Variants in ADGRB1 observed in about 807,000 individuals in gnomAD.
ADGRB1 encodes adhesion G protein-coupled receptor B1, also known as brain-specific angiogenesis inhibitor 1.
Under a neutral mutation model 175.7 loss-of-function variants are expected in ADGRB1, and 36 were observed. The ratio of observed to expected loss-of-function variants is 0.20; its 90% confidence interval spans 0.16 to 0.27. The LOEUF is 0.27. ADGRB1 is among the 10% of genes least tolerant of loss of function. ADGRB1 has a pLI of 1.00. For missense variants in ADGRB1, 1,731 were observed against 2,255.3 expected (o/e 0.77, Z 4.71); for synonymous variants, 1,054 against 979.4 (o/e 1.08, Z -1.42).
chr8:142,457,633 C>T (rs1188237148), intron 1 of ADGRB1, among the ~76,000 whole-genome samples: 1 of 152,136 alleles, frequency 6.6e-6, no homozygotes, highest in Non-Finnish European at 1.5e-5. Flanking sequence ...GACCTGGGCT[C>T]TCTACGGGCA....
chr8:142,501,302 C>T (rs1381752925), intron 17 of ADGRB1, among the ~76,000 whole-genome samples: 1 of 130,462 alleles, frequency 7.7e-6, no homozygotes, highest in East Asian at 2.4e-4. Flanking sequence ...GGTAGTGATG[C>T]AGTCATCACT....
Position 142,492,850 on chromosome 8 carries a change from C to A in ADGRB1, c.2675+2035C>A, listed in dbSNP as rs4077116. 1.2e-4 allele frequency among the ~76,000 whole-genome samples: 19 copies of A among 152,142 alleles called. No homozygotes were observed. Among genetic ancestry groups the A allele is most frequent in the Admixed American group, 5.9e-4 (9 of 15,302 alleles). Reference sequence around the variant, plus strand: ...GGCAGTGCGGGGGCTGCAGGTGGGTCTCTCACCCCCACAGCCCCAGCACTT... The same window carrying A: ...GGCAGTGCGGGGGCTGCAGGTGGGTATCTCACCCCCACAGCCCCAGCACTT... On this transcript the variant is annotated intron_variant, in intron 17 of 30. Transcript: ENST00000517894. The surrounding 1 kb of genome is among the most constrained non-coding windows in gnomAD (Gnocchi z 4.4).
intron 16 of ADGRB1, among the ~76,000 whole-genome samples, chr8:142,490,567 G>A (rs1272426089): frequency 2.0e-5 from 3 of 152,242 alleles, no homozygotes; most frequent in Non-Finnish European, 4.4e-5. Flanking sequence ...CATGGGTGGT[G>A]GGGGCTTGTG....
intron 6 of ADGRB1, 73 bp downstream of exon 6, chr8:142,477,622 G>C: frequency 6.6e-7 from 1 of 1,514,862 alleles, no homozygotes; most frequent in Non-Finnish European, 8.9e-7. Flanking sequence ...CACCGGCCAG[G>C]CCCAGGAGCC....
intron 17 of ADGRB1, among the ~76,000 whole-genome samples, chr8:142,497,380 A>G (rs866378895): frequency 7.9e-5 from 12 of 152,152 alleles, no homozygotes; most frequent in Middle Eastern, 3.4e-3. Flanking sequence ...GGGGCAGGCC[A>G]AGGGGGGGGA....
In ADGRB1 at chr8:142,478,180, C is replaced by T. The variant is rs1396980323; in HGVS notation, c.1388-7C>T. 7.5e-6 allele frequency: 12 copies of T among 1,598,370 alleles called. No individual in the cohort carries two copies. The highest frequency in any genetic ancestry group is 4.0e-5 in the African/African-American group (3 of 74,560). On this transcript the variant is annotated splice_polypyrimidine_tract_variant and splice_region_variant and intron_variant, in intron 6 of 30. Transcript: ENST00000517894. ...CACGCCCACTTTGTGTCTCCTTCCTCCCCCGGGCCGGGCAGTGGATGGAAA... is the reference window on the plus strand; with the variant it reads ...CACGCCCACTTTGTGTCTCCTTCCTTCCCCGGGCCGGGCAGTGGATGGAAA...
chr8:142,479,687 T>C lies in ADGRB1; in HGVS notation c.1727-6T>C. ...TCCTGAACCCCTGTCCCGGGCCCCT[T>C]GGCAGAGCCCCATGAGATCTGTGAT... On this transcript the variant is annotated splice_region_variant and splice_polypyrimidine_tract_variant and intron_variant, in intron 8 of 30. Coordinates refer to ENST00000517894, the MANE Select transcript of ADGRB1 (RefSeq NM_001702.3). The C allele has an allele frequency of 6.2e-7, 1 of 1,612,238 alleles. No homozygotes were observed. Among genetic ancestry groups the C allele is most frequent in the Non-Finnish European group, 8.5e-7 (1 of 1,178,978 alleles).
chr8:142,469,702 T>G (rs983477458), intron 2 of ADGRB1, among the ~76,000 whole-genome samples: 1 of 150,914 alleles, frequency 6.6e-6, no homozygotes, highest in Non-Finnish European at 1.5e-5. Context: ...TGTGCGTGCC[T>G]GTGTGTGAAT....
chr8:142,465,135 T>G (rs1280213814), intron 2 of ADGRB1, among the ~76,000 whole-genome samples, 153 bp downstream of exon 2: 2 of 152,112 alleles, frequency 1.3e-5, no homozygotes, highest in East Asian at 1.9e-4. Flanking sequence ...GACCGGGGTC[T>G]TCTTCCGCAG....
chr8:142,456,433 A>G (rs1316298433), intron 1 of ADGRB1, among the ~76,000 whole-genome samples: 1 of 151,984 alleles, frequency 6.6e-6, no homozygotes, highest in Non-Finnish European at 1.5e-5. Context: ...ACGTGCACAC[A>G]CTTCCTCACC....
At chr8:142,454,526 C>T (rs926622285) in intron 1 of ADGRB1, among the ~76,000 whole-genome samples, 6 of 152,174 alleles carry the variant, frequency 3.9e-5, no homozygotes, top group African/African-American at 9.7e-5. Flanking sequence ...ACCTACAGAC[C>T]GCACGATCCA....
chr8:142,520,901 C>G lies in ADGRB1; in HGVS notation c.3000C>G (p.Ile1000Met). Reference sequence around the variant, plus strand: ...TCTCCTCCAATGCCCTCATCCTCATCGGGCAGACCCAGACCCGCAACAAGG... The same window carrying G: ...TCTCCTCCAATGCCCTCATCCTCATGGGGCAGACCCAGACCCGCAACAAGG... ...SIISSNALIL[I>M]GQTQTRNKVV... Residue 1000 changes from isoleucine (I) to methionine (M), a missense_variant, in exon 20 of 31, where the codon ATC (isoleucine) becomes ATG (methionine). Transcript: ENST00000517894. The G allele has an allele frequency of 5.6e-6, 9 of 1,613,490 alleles. No individual in the cohort carries two copies. The highest frequency in any genetic ancestry group is 7.6e-6 in the Non-Finnish European group (9 of 1,179,572).
At chr8:142,500,137 C>A (rs1303848545) in intron 17 of ADGRB1, among the ~76,000 whole-genome samples, 1 of 152,130 alleles carries the variant, frequency 6.6e-6, no homozygotes, top group East Asian at 1.9e-4. Flanking sequence ...CCCATGGCTG[C>A]CGTCCGGCGC....
At chr8:142,489,315 C>G in intron 15 of ADGRB1, 21 bp from the exon 16 acceptor site, 1 of 1,611,946 alleles carries the variant, frequency 6.2e-7, no homozygotes. Context: ...CCCCCGACAC[C>G]TGTGCCTCTG....
chr8:142,543,700 G>T lies in ADGRB1; in HGVS notation c.4549G>T (p.Asp1517Tyr). ...AEKDKEVLGPDSKPEKQQTPN... is the reference protein window; with the variant it reads ...AEKDKEVLGPYSKPEKQQTPN... ...GAAGGACAAGGAGGTGCTGGGGCCGGACAGCAAGGTCTGGAGGGCAGGGAG... is the reference window on the plus strand; with the variant it reads ...GAAGGACAAGGAGGTGCTGGGGCCGTACAGCAAGGTCTGGAGGGCAGGGAG... Residue 1517 changes from aspartate to tyrosine, a missense_variant, in exon 30 of 31, where the codon GAC (aspartate) becomes TAC (tyrosine). Physicochemically the swap from Asp to Tyr is radical, Grantham distance 160. This residue lies in a region of ADGRB1 where 394 missense variants were observed against 410.2 expected (regional missense o/e 0.96). Coordinates refer to ENST00000517894, the MANE Select transcript of ADGRB1 (RefSeq NM_001702.3). The surrounding 1 kb of genome is among the most constrained non-coding windows in gnomAD (Gnocchi z 4.4). The T allele has an allele frequency of 1.3e-6, 1 of 781,050 alleles. No homozygotes were observed. The highest frequency in any genetic ancestry group is 2.0e-6 in the Non-Finnish European group (1 of 512,332). The allele number at this position is 781,050 out of a possible 1,614,324, so 48.4% of individuals were successfully genotyped here. A position where few individuals can be genotyped will look rare whatever the true frequency, so the allele number is the denominator to read the frequency against.
rs1407890632 is a variant in ADGRB1, at chr8:142,543,252, T to C, written c.4414-151T>C. On this transcript the variant is annotated intron_variant, in intron 28 of 30. Coordinates refer to ENST00000517894, the MANE Select transcript of ADGRB1 (RefSeq NM_001702.3). The surrounding 1 kb of genome is among the most constrained non-coding windows in gnomAD (Gnocchi z 4.4). The stretch of plus-strand genomic sequence containing the variant: ...CGCATAGCTGGAGGAGCTGCCTCAG[T>C]GCGCCCCCAGGCATGTCCCCTGGGT... 2.9e-6 allele frequency: 3 copies of C among 1,027,738 alleles called. No homozygotes were observed. The highest frequency in any genetic ancestry group is 3.1e-5 in the South Asian group (2 of 64,994). 63.7% of individuals were successfully genotyped at this position (1,027,738 alleles called of 1,614,324 possible).
rs1197236369 is a variant in ADGRB1, at chr8:142,510,428, G to C, written c.2676-504G>C. On this transcript the variant is annotated intron_variant, in intron 17 of 30. Transcript: ENST00000517894. This position sits in a 1 kb window ranked among gnomAD's most constrained non-coding sequence, Gnocchi z 6.3. Reference sequence around the variant, plus strand: ...GCTCCAGCCGGCGCCCTGGGCCGCGGGGCCGGAGAGCTCCGGAGCGGACCC... The same window carrying C: ...GCTCCAGCCGGCGCCCTGGGCCGCGCGGCCGGAGAGCTCCGGAGCGGACCC... Among the ~76,000 whole-genome samples, 1 of 151,970 alleles carries C rather than the reference G, an allele frequency of 6.6e-6. No individual in the cohort carries two copies. Among genetic ancestry groups the C allele is most frequent in the Non-Finnish European group, 1.5e-5 (1 of 67,948 alleles).
At position 142,510,702 on chromosome 8, in the gene ADGRB1, T is replaced by C. The variant is rs1180963494; in HGVS notation, c.2676-230T>C. ...CGCCCGGCGCTCCCTCGGGCTGCGC[T>C]CCGCGGCTCTCGGCGGCGGCGGCGG... is the stretch of plus-strand genomic sequence containing the variant. On this transcript the variant is annotated intron_variant, in intron 17 of 30. Coordinates refer to ENST00000517894, the MANE Select transcript of ADGRB1 (RefSeq NM_001702.3). The surrounding 1 kb of genome is among the most constrained non-coding windows in gnomAD (Gnocchi z 6.3). Among the ~76,000 whole-genome samples, 1 of 141,640 alleles carries C rather than the reference T, an allele frequency of 7.1e-6. No homozygotes were observed. Among genetic ancestry groups the C allele is most frequent in the African/African-American group, 2.6e-5 (1 of 38,764 alleles). 92.9% of individuals were successfully genotyped at this position (141,640 alleles called of 152,430 possible).
At position 142,544,537 on chromosome 8, in the gene ADGRB1, G is replaced by A; in HGVS notation, c.*120G>A. The A allele has an allele frequency of 8.2e-7, 1 of 1,223,802 alleles. No individual in the cohort carries two copies. Among genetic ancestry groups the A allele is most frequent in the Non-Finnish European group, 1.1e-6 (1 of 940,858 alleles). The allele number at this position is 1,223,802 out of a possible 1,614,324, so 75.8% of individuals were successfully genotyped here. A position where few individuals can be genotyped will look rare whatever the true frequency, so the allele number is the denominator to read the frequency against. ...GGGCCAGGCCCGCACCCCGGCCTCAGGGCGCTCAGACGGCGGCCAGGCACA... is the reference window on the plus strand; with the variant it reads ...GGGCCAGGCCCGCACCCCGGCCTCAAGGCGCTCAGACGGCGGCCAGGCACA... On this transcript the variant is annotated 3_prime_UTR_variant, in exon 31 of 31. Transcript: ENST00000517894.
Sources: gnomAD v4.1 joint callset for allele counts (sites outside exome capture counted in the v4.1 genomes callset) on GRCh38, gnomAD v4.1.1 for gene constraint, gnomAD v4.1.1 regional missense constraint, Gnocchi (gnomAD v3.1) non-coding constraint, MANE v1.5 for transcripts, NCBI Gene and HGNC (gene_info 2026-07-23, HGNC 2026-07-21) for gene names.